Variants in SLC25A21 observed in about 807,000 individuals in gnomAD.
SLC25A21 encodes mitochondrial 2-oxodicarboxylate carrier.
In SLC25A21, 47 loss-of-function variants were observed where a neutral mutation model predicts 43.8. The observed-to-expected ratio is 1.07, with a 90% CI of 0.85 to 1.37. SLC25A21 has a LOEUF of 1.37. Among genes scored for constraint, SLC25A21 ranks in the 40% most tolerant of loss-of-function variants. SLC25A21 has a pLI of 0.00. For missense variants in SLC25A21, 352 were observed against 350.2 expected (o/e 1.00, Z -0.04); for synonymous variants, 131 against 121.3 (o/e 1.08, Z -0.52).
intron 6 of SLC25A21, among the ~76,000 whole-genome samples, chr14:36,720,877 A>C (rs1269095697): frequency 2.0e-5 from 3 of 152,212 alleles, no homozygotes; most frequent in Non-Finnish European, 4.4e-5. Flanking sequence ...CAGGCACTGT[A>C]AGCAGGCTGC....
intron 2 of SLC25A21, among the ~76,000 whole-genome samples, chr14:36,859,095 T>G (rs1889989701): frequency 6.6e-6 from 1 of 152,226 alleles, no homozygotes; most frequent in Admixed American, 6.5e-5. Flanking sequence ...AAAATATTAC[T>G]TATGAAGTTA....
chr14:36,800,460 A>T (rs1159193286), intron 3 of SLC25A21, among the ~76,000 whole-genome samples: 1 of 152,206 alleles, frequency 6.6e-6, no homozygotes, highest in African/African-American at 2.4e-5. Flanking sequence ...CATTATGTTA[A>T]GTGAAATAAA....
intron 1 of SLC25A21, among the ~76,000 whole-genome samples, chr14:36,981,335 T>C (rs116411372): frequency 0.075 from 11,376 of 152,246 alleles, 461 homozygotes; most frequent in Admixed American, 0.085. Context: ...ATACCATTAC[T>C]TGGTCTATAC....
chr14:36,771,123 A>C (rs892352489), intron 3 of SLC25A21, among the ~76,000 whole-genome samples: 4 of 152,212 alleles, frequency 2.6e-5, no homozygotes, highest in Non-Finnish European at 4.4e-5. Context: ...TGTTAGATCA[A>C]CTTTTGTTAT....
chr14:36,813,785 A>G, intron 3 of SLC25A21, 133 bp downstream of exon 3: 1 of 646,846 alleles, frequency 1.5e-6, no homozygotes, highest in Non-Finnish European at 2.7e-6. Flanking sequence ...ATTATTAGGA[A>G]AAACATAACA....
intron 3 of SLC25A21, among the ~76,000 whole-genome samples, chr14:36,734,995 G>A (rs779061901): frequency 1.3e-5 from 2 of 152,198 alleles, no homozygotes; most frequent in African/African-American, 2.4e-5. Context: ...GGCTAAGGAG[G>A]TGATGAAATT....
intron 1 of SLC25A21, among the ~76,000 whole-genome samples, chr14:36,997,594 TGAG>T (rs1960399046): frequency 6.6e-6 from 1 of 152,146 alleles, no homozygotes; most frequent in Non-Finnish European, 1.5e-5. Context: ...TTTGGGAAGC[TGAG>T]GTGGGTAGAT....
intron 1 of SLC25A21, among the ~76,000 whole-genome samples, chr14:36,967,047 C>T (rs1305165609): frequency 4.6e-5 from 7 of 152,100 alleles, no homozygotes; most frequent in South Asian, 2.1e-4. Flanking sequence ...ATGTACCTGC[C>T]GCCACAACCA....
intron 3 of SLC25A21, among the ~76,000 whole-genome samples, chr14:36,742,609 A>AT (rs1204401581): frequency 6.6e-6 from 1 of 152,168 alleles, no homozygotes; most frequent in African/African-American, 2.4e-5. Flanking sequence ...GGAAAACCAC[A>AT]TATCTTTTAG....
chr14:37,149,963 A>G (rs1323247178), intron 1 of SLC25A21, among the ~76,000 whole-genome samples: 1 of 152,182 alleles, frequency 6.6e-6, no homozygotes, highest in African/African-American at 2.4e-5. Flanking sequence ...AACCAAATCC[A>G]CAACATAATA....
intron 1 of SLC25A21, among the ~76,000 whole-genome samples, chr14:36,883,426 C>G (rs1170303150): frequency 6.6e-6 from 1 of 152,192 alleles, no homozygotes; most frequent in Non-Finnish European, 1.5e-5. Flanking sequence ...CTCCTTAGCC[C>G]AGCACTGATA....
At chr14:36,898,368 C>A (rs1216614021) in intron 1 of SLC25A21, among the ~76,000 whole-genome samples, 1 of 152,186 alleles carries the variant, frequency 6.6e-6, no homozygotes, top group African/African-American at 2.4e-5. Context: ...GTGCCATTTG[C>A]TAAGACCGTT....
intron 1 of SLC25A21, among the ~76,000 whole-genome samples, chr14:36,942,259 AT>A (rs919333077): frequency 6.6e-6 from 1 of 152,158 alleles, no homozygotes. Flanking sequence ...TCCTGAGAAT[AT>A]TTTTGCTTAA....
chr14:36,811,001 G>A (rs188828339), intron 3 of SLC25A21, among the ~76,000 whole-genome samples: 146 of 152,114 alleles, frequency 9.6e-4, no homozygotes, highest in African/African-American at 3.4e-3. Flanking sequence ...TAAATGAAGA[G>A]GGATAGTTTC....
At chr14:36,991,244 A>T (rs1456494426) in intron 1 of SLC25A21, among the ~76,000 whole-genome samples, 1 of 152,202 alleles carries the variant, frequency 6.6e-6, no homozygotes, top group Non-Finnish European at 1.5e-5. Flanking sequence ...TTGCTGAATA[A>T]CATTCAACAG....
At chr14:37,070,811 G>T (rs1260690704) in intron 1 of SLC25A21, among the ~76,000 whole-genome samples, 1 of 152,106 alleles carries the variant, frequency 6.6e-6, no homozygotes, top group Admixed American at 6.6e-5. Flanking sequence ...AATGAAGAAG[G>T]GCTTTGGGTG....
At chr14:36,753,247 T>TA (rs1885781996) in intron 3 of SLC25A21, among the ~76,000 whole-genome samples, 1 of 151,922 alleles carries the variant, frequency 6.6e-6, no homozygotes, top group African/African-American at 2.4e-5. Context: ...TATGACATAA[T>TA]AAAAAATAAC....
intron 3 of SLC25A21, among the ~76,000 whole-genome samples, chr14:36,771,754 TAA>T (rs5807907): frequency 5.8e-4 from 85 of 146,350 alleles, no homozygotes; most frequent in East Asian, 2.2e-3. Context: ...GCAAGAAACA[TAA>T]AAAAAAAAAA....
At chr14:36,827,114 C>A (rs1215076866) in intron 2 of SLC25A21, among the ~76,000 whole-genome samples, 1 of 152,176 alleles carries the variant, frequency 6.6e-6, no homozygotes, top group African/African-American at 2.4e-5. Context: ...AAATAAAATG[C>A]CCTTCTGTGC....
Sources: gnomAD v4.1 joint callset for allele counts (sites outside exome capture counted in the v4.1 genomes callset) on GRCh38, gnomAD v4.1.1 for gene constraint, MANE v1.5 for transcripts, NCBI Gene and HGNC (gene_info 2026-07-23, HGNC 2026-07-21) for gene names.